HPSE2: variants seen among roughly 807,000 people sequenced by gnomAD.
The protein encoded by HPSE2 is heparanase 2 (inactive), also known as inactive heparanase-2.
Under a neutral mutation model 60.5 loss-of-function variants are expected in HPSE2, and 38 were observed. The ratio of observed to expected loss-of-function variants is 0.63; its 90% confidence interval spans 0.48 to 0.82. The LOEUF (loss-of-function observed/expected upper bound fraction) is 0.82, where lower values mean the gene tolerates loss of function less well. Among genes scored for constraint, HPSE2 ranks in the 40% least tolerant of loss-of-function variants. The pLI, the probability that HPSE2 is intolerant of heterozygous loss-of-function variation, is 0.00. For missense variants in HPSE2, 713 were observed against 740.4 expected (o/e 0.96, Z 0.43); for synonymous variants, 295 against 293.2 (o/e 1.01, Z -0.06).
intron 3 of HPSE2, among the ~76,000 whole-genome samples, chr10:99,046,301 T>A (rs986779448): frequency 1.3e-5 from 2 of 151,904 alleles, no homozygotes; most frequent in Admixed American, 1.3e-4. Flanking sequence ...ATAAAAACCC[T>A]CAACAAACTA....
intron 9 of HPSE2, among the ~76,000 whole-genome samples, chr10:98,495,320 T>C (rs1564918736): frequency 1.3e-5 from 2 of 152,188 alleles, no homozygotes; most frequent in African/African-American, 4.8e-5. Flanking sequence ...AAGATTTGAT[T>C]TGGCCTTTAA....
At chr10:99,074,036 T>C (rs1199097373) in intron 3 of HPSE2, among the ~76,000 whole-genome samples, 2 of 151,866 alleles carry the variant, frequency 1.3e-5, no homozygotes, top group Non-Finnish European at 2.9e-5. Context: ...TCCTTTCTGA[T>C]TTGGTTGACT....
At chr10:99,285,636 T>A in the HPSE2 span, among the ~76,000 whole-genome samples, 1 of 151,824 alleles carries the variant, frequency 6.6e-6, no homozygotes. Context: ...AAAGAAAATA[T>A]ATAAATGAGG....
At chr10:99,208,335 G>C (rs1013543646) in intron 2 of HPSE2, among the ~76,000 whole-genome samples, 1 of 152,064 alleles carries the variant, frequency 6.6e-6, no homozygotes, top group Non-Finnish European at 1.5e-5. Flanking sequence ...ACAATAGTAA[G>C]TCCTTACCTA....
intron 6 of HPSE2, among the ~76,000 whole-genome samples, chr10:98,650,804 A>G (rs1242887640): frequency 6.6e-6 from 1 of 152,204 alleles, no homozygotes; most frequent in Non-Finnish European, 1.5e-5. Flanking sequence ...ATTCTCCATT[A>G]GGCTTCTAGC....
chr10:98,620,474 G>T (rs779072941), intron 8 of HPSE2, 128 bp downstream of exon 8: 115 of 721,106 alleles, frequency 1.6e-4, no homozygotes, highest in Non-Finnish European at 2.5e-4. Flanking sequence ...ACACATGAAT[G>T]AATGAAATGA....
intron 3 of HPSE2, among the ~76,000 whole-genome samples, chr10:99,143,468 T>C (rs1338306990): frequency 6.6e-6 from 1 of 152,216 alleles, no homozygotes; most frequent in Non-Finnish European, 1.5e-5. Flanking sequence ...GGAAAACACA[T>C]ACTTTTGATT....
At chr10:99,068,675 C>T (rs575655915) in intron 3 of HPSE2, among the ~76,000 whole-genome samples, 1 of 152,002 alleles carries the variant, frequency 6.6e-6, no homozygotes, top group Non-Finnish European at 1.5e-5. Flanking sequence ...AACAGAAAAA[C>T]AAAACATTAA....
At chr10:99,010,739 T>C (rs1259086500) in intron 3 of HPSE2, among the ~76,000 whole-genome samples, 1 of 152,160 alleles carries the variant, frequency 6.6e-6, no homozygotes, top group African/African-American at 2.4e-5. Flanking sequence ...TCCTAGCCCT[T>C]ACCAGCCAAG....
At chr10:98,468,491 G>A (rs981176934) in intron 11 of HPSE2, among the ~76,000 whole-genome samples, 2 of 151,988 alleles carry the variant, frequency 1.3e-5, no homozygotes, top group African/African-American at 4.8e-5. Flanking sequence ...TTCCCTCCAG[G>A]CCCTGTCAGA....
chr10:98,528,695 G>A (rs534666), intron 9 of HPSE2, among the ~76,000 whole-genome samples: 135,763 of 152,258 alleles, frequency 0.89, 61,028 homozygotes, highest in East Asian at 1. Context: ...TGAGTTTCCT[G>A]TCCTATTATG....
At chr10:98,982,265 C>G (rs1451922555) in intron 3 of HPSE2, among the ~76,000 whole-genome samples, 1 of 152,082 alleles carries the variant, frequency 6.6e-6, no homozygotes, top group Non-Finnish European at 1.5e-5. Flanking sequence ...TGTGAGGAAT[C>G]TGGAGCAGTG....
At chr10:98,465,085 C>T (rs1940470228) in intron 11 of HPSE2, among the ~76,000 whole-genome samples, 1 of 152,220 alleles carries the variant, frequency 6.6e-6, no homozygotes, top group Non-Finnish European at 1.5e-5. Flanking sequence ...TGCTTTATCA[C>T]TTCCATTCTA....
chr10:98,617,690 G>A (rs1202224443), intron 8 of HPSE2, among the ~76,000 whole-genome samples: 1 of 152,170 alleles, frequency 6.6e-6, no homozygotes, highest in Non-Finnish European at 1.5e-5. Context: ...CTTAGCTACA[G>A]ACAGTTGATA....
At chr10:98,627,813 A>G (rs557868411) in intron 7 of HPSE2, among the ~76,000 whole-genome samples, 1 of 152,270 alleles carries the variant, frequency 6.6e-6, no homozygotes, top group Non-Finnish European at 1.5e-5. Flanking sequence ...GTTTGAATGA[A>G]TAACATCAGA....
At chr10:98,908,867 C>G (rs980949602) in intron 3 of HPSE2, among the ~76,000 whole-genome samples, 1 of 151,984 alleles carries the variant, frequency 6.6e-6, no homozygotes, top group African/African-American at 2.4e-5. Flanking sequence ...TCCTCCAAGC[C>G]ATTTCATTTT....
chr10:98,717,769 C>T (rs1948827915), intron 5 of HPSE2, among the ~76,000 whole-genome samples: 1 of 151,918 alleles, frequency 6.6e-6, no homozygotes, highest in South Asian at 2.1e-4. Flanking sequence ...TGAAATGTTG[C>T]AAGAATTACC....
chr10:98,504,698 G>A (rs1473311641), intron 9 of HPSE2, among the ~76,000 whole-genome samples: 1 of 151,358 alleles, frequency 6.6e-6, no homozygotes, highest in Non-Finnish European at 1.5e-5. Flanking sequence ...GCTGAGGCGG[G>A]AGAATGGCGT....
intron 10 of HPSE2, among the ~76,000 whole-genome samples, chr10:98,489,285 C>A (rs969111403): frequency 6.6e-6 from 1 of 152,188 alleles, no homozygotes; most frequent in African/African-American, 2.4e-5. Context: ...ATAGTTTTCC[C>A]TTATGGTCTT....
Sources: gnomAD v4.1 joint callset for allele counts (sites outside exome capture counted in the v4.1 genomes callset) on GRCh38, gnomAD v4.1.1 for gene constraint, MANE v1.5 for transcripts, NCBI Gene and HGNC (gene_info 2026-07-23, HGNC 2026-07-21) for gene names.